The following SHISA9 variants were observed in gnomAD, a reference collection of about 807,000 sequenced individuals.
SHISA9 encodes the protein shisa family member 9.
In SHISA9, 13 loss-of-function variants were observed where a neutral mutation model predicts 38.0. The ratio of observed to expected loss-of-function variants is 0.34; its 90% CI spans 0.22 to 0.54. SHISA9 has a LOEUF of 0.54. Ranked by LOEUF, SHISA9 falls within the 20% of genes least tolerant of loss-of-function variation. The probability of loss-of-function intolerance (pLI) is 0.91; values close to 1 mark genes in which losing one functional copy is unlikely to be tolerated. For synonymous variants in SHISA9, 275 were observed against 242.0 expected (o/e 1.14, Z -1.27); for missense variants, 538 against 575.8 (o/e 0.93, Z 0.67).
intron 2 of SHISA9, among the ~76,000 whole-genome samples, chr16:13,170,981 TAAAAAA>T (rs902145972): frequency 2.6e-5 from 4 of 151,602 alleles, no homozygotes; most frequent in Admixed American, 1.3e-4. Context: ...AAGGAAAAAA[TAAAAAA>T]AGAAAAAGAA....
chr16:12,902,490 G>A lies in SHISA9; in HGVS notation c.426G>A (p.Leu142=). The A allele has an allele frequency of 1.9e-6, 3 of 1,551,512 alleles. No individual in the cohort carries two copies. The highest frequency in any genetic ancestry group is 2.6e-6 in the Non-Finnish European group (3 of 1,146,980). Residue 142 remains leucine (L), a synonymous_variant, in exon 1 of 5, where the codon TTG becomes TTA. Coordinates refer to ENST00000558583, the MANE Select transcript of SHISA9 (RefSeq NM_001145204.3). The stretch of plus-strand genomic sequence containing the variant: ...CCCCCGCCCGCAAGGACGACCCCTT[G>A]CACGACCCCACCAAGGACAAGACCA... ...GKPPARKDDP[L]HDPTKDKTNL... is the part of the protein sequence containing the mutation.
the SHISA9 span, among the ~76,000 whole-genome samples, chr16:13,384,680 G>A: frequency 5.9e-5 from 9 of 152,278 alleles, no homozygotes; most frequent in Admixed American, 4.6e-4. Context: ...GTTTTCTTCC[G>A]TGAAGGAAAA....
At chr16:13,137,228 G>T (rs899299790) in intron 2 of SHISA9, among the ~76,000 whole-genome samples, 13 of 152,168 alleles carry the variant, frequency 8.5e-5, no homozygotes, top group African/African-American at 3.1e-4. Context: ...GAGGCAGATA[G>T]TGGAATCCAT....
chr16:13,325,103 T>A, the SHISA9 span, among the ~76,000 whole-genome samples: 3,036 of 152,314 alleles, frequency 0.02, 84 homozygotes, highest in African/African-American at 0.069. Flanking sequence ...CCCTTATCAG[T>A]ACTTAAAATG....
chr16:13,286,798 C>T, the SHISA9 span, among the ~76,000 whole-genome samples: 6 of 152,100 alleles, frequency 3.9e-5, no homozygotes, highest in Non-Finnish European at 7.4e-5. Flanking sequence ...TGACCTGATA[C>T]GTAAAGCCAT....
intron 2 of SHISA9, among the ~76,000 whole-genome samples, chr16:12,945,845 C>A (rs1157666361): frequency 6.6e-6 from 1 of 152,216 alleles, no homozygotes; most frequent in African/African-American, 2.4e-5. Flanking sequence ...CATCCTGGCT[C>A]CCCCAGAGCA....
the SHISA9 span, among the ~76,000 whole-genome samples, chr16:13,341,172 T>C: frequency 1.3e-5 from 2 of 152,174 alleles, no homozygotes; most frequent in Admixed American, 6.5e-5. Context: ...ACTCAATAAA[T>C]ACTTGCCAAG....
intron 2 of SHISA9, among the ~76,000 whole-genome samples, chr16:13,160,950 G>A (rs796441664): frequency 5.9e-5 from 9 of 152,222 alleles, no homozygotes; most frequent in African/African-American, 2.2e-4. Context: ...GTAGATATTG[G>A]TATGAAATGA....
chr16:12,972,397 A>G (rs2072096516), intron 2 of SHISA9, among the ~76,000 whole-genome samples: 1 of 152,190 alleles, frequency 6.6e-6, no homozygotes. Context: ...GGGTTGGGTC[A>G]TCTTCCTCAC....
chr16:13,148,689 G>GCGCACACA (rs6145754), intron 2 of SHISA9, among the ~76,000 whole-genome samples: 1 of 132,442 alleles, frequency 7.6e-6, no homozygotes, highest in African/African-American at 3.2e-5. Flanking sequence ...ACATACACAA[G>GCGCACACA]CACACACACA....
At chr16:13,509,874 T>A in the SHISA9 span, among the ~76,000 whole-genome samples, 1 of 152,342 alleles carries the variant, frequency 6.6e-6, no homozygotes, top group South Asian at 2.1e-4. Context: ...ACCCATGTGA[T>A]TTAGGGCAAG....
rs774111296 is a variant in SHISA9 at position 13,235,113 on chromosome 16, G to A, written c.979G>A (p.Val327Ile). ...CAAGGGGAACTTACCTCTGCACCCC[G>A]TAAGAGTGGAGGACGAGCCCCGGGC... is the stretch of plus-strand genomic sequence containing the variant. Reference protein sequence around the residue: ...AAKGNLPLHPVRVEDEPRAFS... With the variant: ...AAKGNLPLHPIRVEDEPRAFS... Residue 327 changes from valine to isoleucine, a missense_variant, in exon 5 of 5, where the codon GTA becomes ATA. Transcript: ENST00000558583. 1 of 1,551,612 alleles carries A rather than the reference G, an allele frequency of 6.4e-7. No homozygotes were observed.
the SHISA9 span, among the ~76,000 whole-genome samples, chr16:13,529,720 A>C: frequency 6.6e-5 from 10 of 152,308 alleles, no homozygotes; most frequent in African/African-American, 1.2e-4. Flanking sequence ...AGAAAAAACA[A>C]CACCAACCTA....
At chr16:13,045,528 C>G (rs1053806713) in intron 2 of SHISA9, among the ~76,000 whole-genome samples, 3 of 150,572 alleles carry the variant, frequency 2.0e-5, no homozygotes, top group Admixed American at 6.6e-5. Flanking sequence ...ACATGCTTGG[C>G]TCTGTTGAAA....
At position 13,012,046 on chromosome 16, in the gene SHISA9, G is replaced by A. The variant is rs147835599; in HGVS notation, c.691+95231G>A. The stretch of plus-strand genomic sequence containing the variant: ...TTGCCATGTTGGCCAGGCTTGTCTC[G>A]AACTCCTGACCTCATGTGATCCACC... On this transcript the variant is annotated intron_variant, in intron 2 of 4. Coordinates refer to ENST00000558583, the MANE Select transcript of SHISA9 (RefSeq NM_001145204.3). 6.0e-3 allele frequency among the ~76,000 whole-genome samples: 900 copies of A among 150,840 alleles called. 19 individuals carry two copies. Among genetic ancestry groups the A allele is most frequent in the Admixed American group, 0.042 (636 of 15,138 alleles).
At chr16:13,045,714 A>C (rs1289462561) in intron 2 of SHISA9, among the ~76,000 whole-genome samples, 1 of 151,726 alleles carries the variant, frequency 6.6e-6, no homozygotes, top group Admixed American at 6.6e-5. Context: ...AAGCTGGATC[A>C]TGGAAAAGAA....
chr16:13,092,726 T>G (rs906111346), intron 2 of SHISA9, among the ~76,000 whole-genome samples: 3 of 152,224 alleles, frequency 2.0e-5, no homozygotes, highest in Non-Finnish European at 4.4e-5. Flanking sequence ...GGTAGTCTGT[T>G]GTGGCTTCCC....
chr16:13,365,567 C>T, the SHISA9 span, among the ~76,000 whole-genome samples: 1 of 151,340 alleles, frequency 6.6e-6, no homozygotes, highest in Non-Finnish European at 1.5e-5. Flanking sequence ...AGCTATTCTC[C>T]TGCCTCAGCC....
chr16:12,948,766 A>G (rs1040126036), intron 2 of SHISA9, among the ~76,000 whole-genome samples: 3 of 152,186 alleles, frequency 2.0e-5, no homozygotes, highest in Non-Finnish European at 2.9e-5. Context: ...TAGAATTTCA[A>G]TGTATGAAGC....
Sources: allele counts gnomAD v4.1 joint callset (sites outside exome capture counted in the v4.1 genomes callset), GRCh38; gene constraint gnomAD v4.1.1; transcripts MANE v1.5; gene names NCBI Gene and HGNC (gene_info 2026-07-23, HGNC 2026-07-21).